ATRNL1: variants seen among roughly 807,000 people sequenced by gnomAD.
The protein encoded by ATRNL1 is attractin like 1.
In ATRNL1, 95 loss-of-function variants were observed where a neutral mutation model predicts 182.7. That is an observed-to-expected ratio of 0.52 (90% CI 0.44 to 0.62). The LOEUF (loss-of-function observed/expected upper bound fraction) is 0.62. Ranked by LOEUF, ATRNL1 falls within the 20% of genes least tolerant of loss-of-function variation. ATRNL1 has a pLI of 0.00. For missense variants in ATRNL1, 1,471 were observed against 1,679.5 expected, an observed-to-expected ratio of 0.88 and a Z score of 2.17; for synonymous variants, 576 against 568.3, an observed-to-expected ratio of 1.01 and a Z score of -0.19.
intron 26 of ATRNL1, among the ~76,000 whole-genome samples, chr10:115,633,899 G>GTAGT (rs1858689648): frequency 6.6e-6 from 1 of 152,042 alleles, no homozygotes; most frequent in Non-Finnish European, 1.5e-5. Context: ...ATATTTGCTA[G>GTAGT]TAGTTGTAGG....
At chr10:115,712,505 G>A (rs1555054789) in intron 26 of ATRNL1, among the ~76,000 whole-genome samples, 2 of 152,128 alleles carry the variant, frequency 1.3e-5, no homozygotes, top group African/African-American at 2.4e-5. Context: ...AAATCCCTAA[G>A]CAAATGGTTG....
intron 4 of ATRNL1, among the ~76,000 whole-genome samples, chr10:115,128,233 C>G (rs1237161768): frequency 6.6e-6 from 1 of 152,108 alleles, no homozygotes; most frequent in Non-Finnish European, 1.5e-5. Flanking sequence ...AGTTAAGTGG[C>G]TATACCACTA....
At chr10:115,640,882 T>C (rs1859197957) in intron 26 of ATRNL1, among the ~76,000 whole-genome samples, 1 of 152,200 alleles carries the variant, frequency 6.6e-6, no homozygotes, top group South Asian at 2.1e-4. Flanking sequence ...CTAGGTTTTC[T>C]TCTAGAGTTT....
chr10:115,273,518 A>G (rs78800688), intron 13 of ATRNL1, among the ~76,000 whole-genome samples: 1,788 of 152,206 alleles, frequency 0.012, 34 homozygotes, highest in African/African-American at 0.04. Flanking sequence ...GAATCCATAC[A>G]TAATTGCACA....
At chr10:115,360,206 A>C (rs954788309) in intron 19 of ATRNL1, among the ~76,000 whole-genome samples, 3 of 151,810 alleles carry the variant, frequency 2.0e-5, no homozygotes, top group Admixed American at 6.6e-5. Context: ...TCTTCAAATA[A>C]AGTTGTTACA....
chr10:115,639,269 A>G (rs1859080854), intron 26 of ATRNL1, among the ~76,000 whole-genome samples: 3 of 152,350 alleles, frequency 2.0e-5, no homozygotes, highest in South Asian at 2.1e-4. Context: ...AAGAACTTCA[A>G]ACTGTGAATT....
At chr10:115,467,886 T>C (rs1848126056) in intron 23 of ATRNL1, among the ~76,000 whole-genome samples, 1 of 150,738 alleles carries the variant, frequency 6.6e-6, no homozygotes, top group African/African-American at 2.4e-5. Context: ...AAAAATTTTA[T>C]TGGTATCTAT....
chr10:115,468,849 T>C (rs1166764920), intron 23 of ATRNL1, among the ~76,000 whole-genome samples: 1 of 150,736 alleles, frequency 6.6e-6, no homozygotes, highest in Non-Finnish European at 1.5e-5. Context: ...AATGCTTTAA[T>C]CTTTCTGAGG....
chr10:115,434,701 A>T lies in ATRNL1; in HGVS notation c.3322+8399A>T, dbSNP rs370527005. ...TAATTCCATTATAGAATTTCATTCA[A>T]TTTTTTCTGAAAGGCATGCATTCCA... is the stretch of plus-strand genomic sequence containing the variant. On this transcript the variant is annotated intron_variant, in intron 21 of 28. Coordinates refer to ENST00000355044, the MANE Select transcript of ATRNL1 (RefSeq NM_207303.4). 2.3e-3 allele frequency among the ~76,000 whole-genome samples: 346 copies of T among 152,240 alleles called. 3 individuals carry two copies. Among genetic ancestry groups the T allele is most frequent in the African/African-American group, 8.0e-3 (331 of 41,540 alleles).
chr10:115,744,543 A>G (rs914285462), intron 27 of ATRNL1, among the ~76,000 whole-genome samples: 2 of 152,138 alleles, frequency 1.3e-5, no homozygotes, highest in African/African-American at 2.4e-5. Context: ...GCACCATAGG[A>G]TCTCAGAATA....
At chr10:115,199,520 C>T (rs1438733753) in intron 8 of ATRNL1, among the ~76,000 whole-genome samples, 2 of 151,870 alleles carry the variant, frequency 1.3e-5, no homozygotes, top group Non-Finnish European at 2.9e-5. Context: ...GCTGAGATTG[C>T]ACCACTGCAC....
At position 115,299,947 on chromosome 10, in the gene ATRNL1, T is replaced by A. The variant is rs1386350522; in HGVS notation, c.2416-87T>A. The A allele has an allele frequency of 7.6e-6, 7 of 915,740 alleles. No individual in the cohort carries two copies. The East Asian group carries it at 1.8e-4, about 23-fold the overall frequency. 56.7% of individuals were successfully genotyped at this position (915,740 alleles called of 1,614,324 possible). A position where few individuals can be genotyped will look rare whatever the true frequency, so the allele number is the denominator to read the frequency against. The stretch of plus-strand genomic sequence containing the variant: ...GCTTTATATATTTTCAAATATAATT[T>A]TTAATGATAGTGAACTATTTGCTAA... On this transcript the variant is annotated intron_variant, in intron 15 of 28. Transcript: ENST00000355044.
chr10:115,146,801 TC>T (rs1845992113), intron 5 of ATRNL1, among the ~76,000 whole-genome samples: 1 of 91,918 alleles, frequency 1.1e-5, no homozygotes, highest in Admixed American at 9.4e-5. Context: ...ATGATTTCAT[TC>T]TTTTTTTTTT....
intron 9 of ATRNL1, among the ~76,000 whole-genome samples, chr10:115,240,142 T>TA (rs1473652347): frequency 6.6e-6 from 1 of 152,208 alleles, no homozygotes; most frequent in African/African-American, 2.4e-5. Flanking sequence ...AAAATTTTCT[T>TA]AGGTTAATGG....
intron 15 of ATRNL1, among the ~76,000 whole-genome samples, chr10:115,287,924 G>GTTTT (rs11298663): frequency 1.2e-4 from 11 of 91,014 alleles, no homozygotes; most frequent in Non-Finnish European, 1.7e-4. Context: ...AAGATCAACT[G>GTTTT]TTTTTTTTTT....
At chr10:115,569,280 T>G in intron 26 of ATRNL1, among the ~76,000 whole-genome samples, 1 of 152,182 alleles carries the variant, frequency 6.6e-6, no homozygotes, top group East Asian at 1.9e-4. Flanking sequence ...TTAGTCCCTA[T>G]AAACAGACTC....
At chr10:115,508,882 A>T (rs1850248481) in intron 24 of ATRNL1, among the ~76,000 whole-genome samples, 1 of 152,068 alleles carries the variant, frequency 6.6e-6, no homozygotes, top group Admixed American at 6.6e-5. Flanking sequence ...ACAGATTCTC[A>T]ATGTATATGA....
intron 8 of ATRNL1, among the ~76,000 whole-genome samples, chr10:115,198,874 A>G (rs1272610145): frequency 1.3e-5 from 2 of 152,162 alleles, no homozygotes; most frequent in Non-Finnish European, 2.9e-5. Flanking sequence ...TGTTAGTACC[A>G]TGCCTGTACA....
intron 26 of ATRNL1, among the ~76,000 whole-genome samples, chr10:115,670,577 T>C (rs1945666522): frequency 6.6e-6 from 1 of 152,160 alleles, no homozygotes; most frequent in Non-Finnish European, 1.5e-5. Flanking sequence ...AGTAAAACAC[T>C]GTCTTAACTA....
Sources: gnomAD v4.1 joint callset for allele counts (sites outside exome capture counted in the v4.1 genomes callset) on GRCh38, gnomAD v4.1.1 for gene constraint, MANE v1.5 for transcripts, NCBI Gene and HGNC (gene_info 2026-07-23, HGNC 2026-07-21) for gene names.